CSMD1: variants seen among roughly 807,000 people sequenced by gnomAD.
The protein encoded by CSMD1 is CUB and sushi domain-containing protein 1.
CSMD1 carries 213 observed loss-of-function variants against 417.5 expected under a neutral mutation model. The observed-to-expected ratio is 0.51, with a 90% CI of 0.46 to 0.57. The LOEUF is 0.57. Ranked by LOEUF, CSMD1 falls within the 20% of genes least tolerant of loss-of-function variation. The pLI is 0.00. For synonymous variants in CSMD1, 2,862 were observed against 1,736.8 expected (o/e 1.65, Z -16.11); for missense variants, 6,923 against 4,529.7 (o/e 1.53, Z -15.17).
At chr8:3,412,094 GTATATATA>G (rs1812836527) in intron 12 of CSMD1, among the ~76,000 whole-genome samples, 1 of 82,114 alleles carries the variant, frequency 1.2e-5, no homozygotes, top group African/African-American at 6.2e-5. Context: ...ATATACACAC[GTATATATA>G]CATATATACA....
At chr8:3,308,810 A>C (rs1584972886) in intron 23 of CSMD1, among the ~76,000 whole-genome samples, 1 of 128,080 alleles carries the variant, frequency 7.8e-6, no homozygotes, top group African/African-American at 3.0e-5. Context: ...TGCAACCTCC[A>C]CCTCCCAGGT....
chr8:3,346,656 A>G (rs113490891), intron 22 of CSMD1, among the ~76,000 whole-genome samples: 15 of 152,216 alleles, frequency 9.9e-5, no homozygotes, highest in East Asian at 9.6e-4. Flanking sequence ...ACCTTTGCAC[A>G]TAACTTCTAA....
chr8:3,765,273 T>C (rs1428291905), intron 5 of CSMD1, among the ~76,000 whole-genome samples: 3 of 152,190 alleles, frequency 2.0e-5, no homozygotes, highest in Non-Finnish European at 1.5e-5. Flanking sequence ...AGTCAATCTA[T>C]GCTAGCCCCA....
At chr8:3,962,757 G>A (rs935727975) in intron 5 of CSMD1, among the ~76,000 whole-genome samples, 46 of 152,072 alleles carry the variant, frequency 3.0e-4, no homozygotes, top group African/African-American at 1.1e-3. Context: ...ACTCTCAGAG[G>A]CTGGCATCTA....
At chr8:3,882,388 T>C (rs1806266293) in intron 5 of CSMD1, among the ~76,000 whole-genome samples, 1 of 152,150 alleles carries the variant, frequency 6.6e-6, no homozygotes, top group African/African-American at 2.4e-5. Flanking sequence ...TAAAATACAA[T>C]TTTAAAAACA....
chr8:3,725,713 G>T (rs571657266), intron 6 of CSMD1, among the ~76,000 whole-genome samples: 4 of 151,894 alleles, frequency 2.6e-5, no homozygotes, highest in Non-Finnish European at 4.4e-5. Flanking sequence ...TGAGAGAGTA[G>T]GCAGAGGGCC....
intron 1 of CSMD1, among the ~76,000 whole-genome samples, chr8:4,947,271 T>C (rs1808431492): frequency 6.6e-6 from 1 of 152,200 alleles, no homozygotes; most frequent in Non-Finnish European, 1.5e-5. Flanking sequence ...GGCAATGATA[T>C]AATAAACTCA....
intron 1 of CSMD1, among the ~76,000 whole-genome samples, chr8:4,820,121 GA>G (rs764830329): frequency 4.3e-4 from 65 of 152,164 alleles, no homozygotes; most frequent in Non-Finnish European, 7.1e-4. Flanking sequence ...AGCTGGGACA[GA>G]GGCTAGAATT....
At chr8:4,163,977 G>A (rs1313574212) in intron 3 of CSMD1, among the ~76,000 whole-genome samples, 1 of 152,162 alleles carries the variant, frequency 6.6e-6, no homozygotes, top group Non-Finnish European at 1.5e-5. Flanking sequence ...GGGTGGTGAT[G>A]TGGGATTGAG....
intron 11 of CSMD1, among the ~76,000 whole-genome samples, chr8:3,473,387 A>C (rs545429982): frequency 9.6e-4 from 146 of 152,290 alleles, no homozygotes; most frequent in African/African-American, 3.4e-3. Flanking sequence ...AGTTATTTTA[A>C]AGCTGATTAA....
chr8:4,816,417 G>A (rs796429290), intron 1 of CSMD1, among the ~76,000 whole-genome samples: 8 of 152,046 alleles, frequency 5.3e-5, no homozygotes, highest in African/African-American at 1.9e-4. Flanking sequence ...GTGGAGTGAG[G>A]GCGGTTCACC....
chr8:4,904,957 G>A (rs1412098016), intron 1 of CSMD1, among the ~76,000 whole-genome samples: 1 of 152,134 alleles, frequency 6.6e-6, no homozygotes, highest in Non-Finnish European at 1.5e-5. Context: ...AAGGGACCAT[G>A]CCGCCGCTTC....
Position 3,408,241 on chromosome 8 carries a change from T to C in CSMD1, c.1745-16A>G, listed in dbSNP as rs768645301. On this transcript the variant is annotated splice_polypyrimidine_tract_variant and intron_variant, in intron 13 of 69. Coordinates refer to ENST00000635120, the MANE Select transcript of CSMD1 (RefSeq NM_033225.6). ...AAACATGAAACTGTGAAGATGCAAA[T>C]ATATTTTCAAACAGTTATGCACATA... 6.4e-6 allele frequency: 10 copies of C among 1,565,162 alleles called. No individual in the cohort carries two copies. Among genetic ancestry groups the C allele is most frequent in the East Asian group, 2.3e-5 (1 of 43,362 alleles).
At chr8:3,363,177 C>A (rs917112518) in intron 20 of CSMD1, among the ~76,000 whole-genome samples, 1 of 152,142 alleles carries the variant, frequency 6.6e-6, no homozygotes, top group Non-Finnish European at 1.5e-5. Flanking sequence ...CCTGTCCATT[C>A]CCTGCTTCAC....
At chr8:3,961,928 G>A (rs1812354872) in intron 5 of CSMD1, among the ~76,000 whole-genome samples, 1 of 152,130 alleles carries the variant, frequency 6.6e-6, no homozygotes, top group Admixed American at 6.6e-5. Flanking sequence ...AATGGGCTTG[G>A]GCGCTTTCTT....
chr8:3,245,423 T>G (rs1322366952), intron 26 of CSMD1, among the ~76,000 whole-genome samples: 1 of 152,238 alleles, frequency 6.6e-6, no homozygotes, highest in African/African-American at 2.4e-5. Flanking sequence ...TTAGAGCATT[T>G]TGTTTAGAAA....
At chr8:3,022,987 T>A (rs906432727) in intron 51 of CSMD1, among the ~76,000 whole-genome samples, 3 of 152,194 alleles carry the variant, frequency 2.0e-5, no homozygotes, top group Admixed American at 6.5e-5. Flanking sequence ...CTACAGTTAT[T>A]TGATGTTAGC....
At chr8:4,306,723 C>A (rs994998254) in intron 3 of CSMD1, among the ~76,000 whole-genome samples, 1 of 152,098 alleles carries the variant, frequency 6.6e-6, no homozygotes, top group Non-Finnish European at 1.5e-5. Context: ...TGAGCAGCAC[C>A]TCTAAATGAG....
chr8:3,007,251 G>A lies in CSMD1; in HGVS notation c.8030-7120C>T, dbSNP rs896780862. 4.1e-3 allele frequency among the ~76,000 whole-genome samples: 607 copies of A among 147,928 alleles called. 2 individuals are homozygous for A. The highest frequency in any genetic ancestry group is 0.018 in the South Asian group (88 of 4,776). The stretch of plus-strand genomic sequence containing the variant: ...ACCATCTCACACCAGTTAGAATGGC[G>A]ATCATTAAAAAGTCAGGAAACAACA... On this transcript the variant is annotated intron_variant, in intron 52 of 69. Coordinates refer to ENST00000635120, the MANE Select transcript of CSMD1 (RefSeq NM_033225.6).
Sources: allele counts gnomAD v4.1 joint callset (sites outside exome capture counted in the v4.1 genomes callset), GRCh38; gene constraint gnomAD v4.1.1; transcripts MANE v1.5; gene names NCBI Gene and HGNC (gene_info 2026-07-23, HGNC 2026-07-21).